Variants in ARPP21 observed in about 807,000 individuals in gnomAD.
ARPP21 encodes cAMP regulated phosphoprotein 21.
ARPP21 carries 69 observed loss-of-function variants against 113.2 expected under a neutral mutation model. The observed-to-expected ratio is 0.61, with a 90% CI of 0.50 to 0.74. The LOEUF is 0.74. Among genes scored for constraint, ARPP21 ranks in the 30% least tolerant of loss-of-function variants. The pLI, the probability that ARPP21 is intolerant of heterozygous loss-of-function variation, is 0.00. For synonymous variants in ARPP21, 368 were observed against 375.5 expected (o/e 0.98, Z 0.23); for missense variants, 1,070 against 1,037.4 (o/e 1.03, Z -0.43).
rs150230446 is a variant in ARPP21 at position 35,684,230 on chromosome 3, T to C, written c.261+415T>C. On this transcript the variant is annotated intron_variant, in intron 5 of 20. Coordinates refer to ENST00000684406, the MANE Select transcript of ARPP21 (RefSeq NM_001385562.1). ...ATGCACTTGCCTATAAGAAACACAA[T>C]TGCTGGTTCATATGAAACTTAGGAA... 10 of 1,278,604 alleles carry C rather than the reference T, an allele frequency of 7.8e-6. No individual in the cohort carries two copies. In the African/African-American group the frequency reaches 1.0e-4, roughly 13 times the overall value. 79.2% of individuals were successfully genotyped at this position (1,278,604 alleles called of 1,614,324 possible). A position where few individuals can be genotyped will look rare whatever the true frequency, so the allele number is the denominator to read the frequency against.
In ARPP21 at chr3:35,739,462, C is replaced by T. The variant is rs371668097; in HGVS notation, c.1895C>T (p.Thr632Ile). 1.1e-5 allele frequency: 17 copies of T among 1,614,068 alleles called. No individual in the cohort carries two copies. The highest frequency in any genetic ancestry group is 1.4e-5 in the Non-Finnish European group (16 of 1,180,050). ...CAGCCCAGCTATGTAATCGCCTCTA[C>T]AGGCCAGCAGCTTCCTACAGGAGGA... is the stretch of plus-strand genomic sequence containing the variant. ...AQQPSYVIASTGQQLPTGGFS... is the reference protein window; with the variant it reads ...AQQPSYVIASIGQQLPTGGFS... The change falls in exon 18 of 21, where the codon ACA becomes ATA. Residue 632 changes from threonine to isoleucine, a missense_variant. Physicochemically the swap from Thr to Ile is moderately conservative, Grantham distance 89 (BLOSUM62 -1). Transcript: ENST00000684406.
At chr3:35,778,131 A>G (rs1336864004) in intron 19 of ARPP21, among the ~76,000 whole-genome samples, 2 of 152,188 alleles carry the variant, frequency 1.3e-5, no homozygotes, top group Non-Finnish European at 2.9e-5. Flanking sequence ...AGCGTTGTTC[A>G]TCTCTTTTAA....
intron 14 of ARPP21, among the ~76,000 whole-genome samples, chr3:35,723,080 T>C (rs1310809849): frequency 6.6e-6 from 1 of 152,108 alleles, no homozygotes; most frequent in African/African-American, 2.4e-5. Flanking sequence ...TGTCAGATTG[T>C]ATGGGTGGAG....
At position 35,700,134 on chromosome 3, in the gene ARPP21, A is replaced by G. The variant is rs530053970; in HGVS notation, c.687-6840A>G. ...TAGTAGCTTTCTCACATGATTGTGC[A>G]TGTACGTAATCCTCCCAAGCAAGTT... is the stretch of plus-strand genomic sequence containing the variant. On this transcript the variant is annotated intron_variant, in intron 9 of 20. Transcript: ENST00000684406. Among the ~76,000 whole-genome samples the G allele has an allele frequency of 1.1e-4, 17 of 151,920 alleles. No homozygotes were observed. The East Asian group carries it at 3.1e-3, about 28-fold the overall frequency.
chr3:35,715,343 C>A (rs2092230481), intron 11 of ARPP21, 96 bp from the exon 12 acceptor site: 4 of 956,606 alleles, frequency 4.2e-6, no homozygotes, highest in Non-Finnish European at 6.7e-6. Flanking sequence ...TTCTTTTCCC[C>A]TATGAGGGGA....
chr3:35,721,752 G>C lies in ARPP21; in HGVS notation c.1143G>C (p.Thr381=), dbSNP rs995221272. The part of the protein sequence containing the change: ...NRNLKPAMTK[T]ASFGGITVLT... ...ATCTAAAGCCCGCCATGACCAAGAC[G>C]GCGAGTTTTGGGGGCATCACGGTGC... Residue 381 remains threonine, a synonymous_variant, in exon 14 of 21, where the codon ACG becomes ACC. Transcript: ENST00000684406. 1.2e-6 allele frequency: 2 copies of C among 1,613,660 alleles called. No homozygotes were observed. The highest frequency in any genetic ancestry group is 2.7e-5 in the African/African-American group (2 of 74,874).
chr3:35,746,590 G>C (rs915766022), intron 19 of ARPP21, among the ~76,000 whole-genome samples: 5 of 152,176 alleles, frequency 3.3e-5, no homozygotes, highest in African/African-American at 1.2e-4. Context: ...TCCTGCAGCT[G>C]TGTGTCTTGG....
chr3:35,715,731 C>T (rs1330024303), intron 12 of ARPP21: 3 of 292,340 alleles, frequency 1.0e-5, no homozygotes, highest in Non-Finnish European at 1.9e-5. Flanking sequence ...AATTTCTGGT[C>T]CTTGCAAAGG....
At position 35,737,258 on chromosome 3, in the gene ARPP21, G is replaced by A. The variant is rs1576454147; in HGVS notation, c.1540G>A (p.Val514Met). Residue 514 changes from valine to methionine, a missense_variant, in exon 16 of 21, where the codon GTG becomes ATG. Val to Met is a conservative substitution (Grantham distance 21, BLOSUM62 1). Transcript: ENST00000684406. ...TCAGCAGCCCCTGCGAAGCGCCATG[G>A]TGGGGCAGTCCCAACAGCAGCCACC... Reference protein sequence around the residue: ...TSQQPLRSAMVGQSQQQPPQQ... With the variant: ...TSQQPLRSAMMGQSQQQPPQQ... 2 of 1,612,822 alleles carry A rather than the reference G, an allele frequency of 1.2e-6. No homozygotes were observed. Among genetic ancestry groups the A allele is most frequent in the East Asian group, 4.5e-5 (2 of 44,844 alleles).
At position 35,729,339 on chromosome 3, in the gene ARPP21, C is replaced by T. The variant is rs1356078676; in HGVS notation, c.1262C>T (p.Ser421Leu). The T allele has an allele frequency of 8.7e-6, 14 of 1,614,028 alleles. No homozygotes were observed. Among genetic ancestry groups the T allele is most frequent in the East Asian group, 6.7e-5 (3 of 44,880 alleles). The change falls in exon 15 of 21, where the codon TCG becomes TTG. Residue 421 changes from serine (S) to leucine (L), a missense_variant. Transcript: ENST00000684406. ...TCCAGCAGTGCAGGCTCCTCAGGAT[C>T]GCTGTCCCGCACCCATCCACCTCTC... The part of the protein sequence containing the change: ...ESSSSAGSSG[S>L]LSRTHPPLQS...
intron 19 of ARPP21, among the ~76,000 whole-genome samples, chr3:35,756,309 A>AT (rs2095567413): frequency 6.6e-6 from 1 of 152,094 alleles, no homozygotes; most frequent in Non-Finnish European, 1.5e-5. Context: ...CTCTGTTTAG[A>AT]GCTTATGCGA....
intron 19 of ARPP21, among the ~76,000 whole-genome samples, chr3:35,755,246 T>G (rs1312252945): frequency 6.6e-6 from 1 of 151,912 alleles, no homozygotes; most frequent in Admixed American, 6.6e-5. Context: ...ACCCTGTTTT[T>G]CAGTCCCACT....
intron 11 of ARPP21, among the ~76,000 whole-genome samples, chr3:35,712,812 C>A (rs2091575425): frequency 6.6e-6 from 1 of 151,942 alleles, no homozygotes; most frequent in Non-Finnish European, 1.5e-5. Flanking sequence ...AAATGTAATT[C>A]TTTTTTCCTT....
intron 19 of ARPP21, among the ~76,000 whole-genome samples, chr3:35,763,225 A>G (rs1201707396): frequency 6.6e-6 from 1 of 152,046 alleles, no homozygotes; most frequent in African/African-American, 2.4e-5. Context: ...TTAAAACACC[A>G]TTGGTTTTGA....
At chr3:35,657,721 T>A (rs1436119302) in intron 1 of ARPP21, among the ~76,000 whole-genome samples, 2 of 152,056 alleles carry the variant, frequency 1.3e-5, no homozygotes, top group Non-Finnish European at 2.9e-5. Flanking sequence ...GTTGACTTAG[T>A]CCTAAAGGCA....
chr3:35,685,093 A>C (rs2080149229), intron 5 of ARPP21: 1 of 985,282 alleles, frequency 1.0e-6, no homozygotes, highest in Non-Finnish European at 1.2e-6. Flanking sequence ...GGGAGAAGTA[A>C]TGCCCCAGTT....
At chr3:35,672,844 C>T (rs2076673026) in intron 1 of ARPP21, among the ~76,000 whole-genome samples, 2 of 152,070 alleles carry the variant, frequency 1.3e-5, no homozygotes, top group South Asian at 2.1e-4. Flanking sequence ...TTGCTGTCTT[C>T]CCTGCTGTAG....
At chr3:35,748,021 A>C (rs1169162158) in intron 19 of ARPP21, among the ~76,000 whole-genome samples, 2 of 147,054 alleles carry the variant, frequency 1.4e-5, no homozygotes, top group Non-Finnish European at 3.0e-5. Flanking sequence ...AAAAGAAAGA[A>C]AGACAGAAAG....
At chr3:35,740,186 T>C (rs1320413831) in intron 18 of ARPP21, among the ~76,000 whole-genome samples, 1 of 152,184 alleles carries the variant, frequency 6.6e-6, no homozygotes, top group Non-Finnish European at 1.5e-5. Context: ...GATCACTGAT[T>C]TTTACTGTCT....
Sources: gnomAD v4.1 joint callset for allele counts (sites outside exome capture counted in the v4.1 genomes callset) on GRCh38, gnomAD v4.1.1 for gene constraint, MANE v1.5 for transcripts, NCBI Gene and HGNC (gene_info 2026-07-23, HGNC 2026-07-21) for gene names.